Variants in CMIP observed in about 807,000 individuals in gnomAD.
CMIP encodes the protein c-Maf inducing protein, also known as C-Maf-inducing protein.
CMIP carries 13 observed loss-of-function variants against 97.3 expected under a neutral mutation model. The observed-to-expected ratio is 0.13, with a 90% confidence interval of 0.09 to 0.21. The LOEUF is 0.21. Among genes scored for constraint, CMIP ranks in the 10% least tolerant of loss-of-function variants. The pLI is 1.00. For synonymous variants in CMIP, 538 were observed against 436.3 expected (o/e 1.23, Z -2.91); for missense variants, 847 against 1,024.9 (o/e 0.83, Z 2.37).
intron 3 of CMIP, among the ~76,000 whole-genome samples, chr16:81,624,328 G>A (rs9940977): frequency 0.053 from 7,990 of 152,044 alleles, 637 homozygotes; most frequent in African/African-American, 0.17. Flanking sequence ...GTCATTTAAC[G>A]TTAGGTATAT....
intron 1 of CMIP, among the ~76,000 whole-genome samples, chr16:81,596,378 C>T (rs1460729264): frequency 7.2e-5 from 11 of 151,788 alleles, no homozygotes; most frequent in Non-Finnish European, 1.2e-4. Flanking sequence ...TGGTGGGGCA[C>T]GCCTATAGTC....
At chr16:81,640,089 G>C (rs1459471543) in intron 3 of CMIP, among the ~76,000 whole-genome samples, 3 of 152,156 alleles carry the variant, frequency 2.0e-5, no homozygotes, top group Non-Finnish European at 2.9e-5. Flanking sequence ...AATTCTCCTG[G>C]AAGTTCCTCC....
At chr16:81,555,335 G>C (rs766636834) in intron 1 of CMIP, among the ~76,000 whole-genome samples, 20 of 152,158 alleles carry the variant, frequency 1.3e-4, no homozygotes, top group Non-Finnish European at 2.8e-4. Context: ...ACCCCCCCTA[G>C]ACTGTGGGAG....
intron 1 of CMIP, among the ~76,000 whole-genome samples, chr16:81,505,592 G>C (rs1228927922): frequency 6.6e-6 from 1 of 152,214 alleles, no homozygotes; most frequent in Non-Finnish European, 1.5e-5. Context: ...AGAAAGTTAT[G>C]AGTAGTGTCA....
rs148228712 is a variant in CMIP, at chr16:81,522,072, C to T, written c.300+76531C>T. Among the ~76,000 whole-genome samples the T allele has an allele frequency of 1.1e-3, 161 of 152,280 alleles. No homozygotes were observed. The Middle Eastern group carries it at 0.031, about 29-fold the overall frequency. ...AGCCAAGTGCAGACGGATGAGGTTT[C>T]TGCTTGTCCATTCACACTTGATAAG... On this transcript the variant is annotated intron_variant, in intron 1 of 20. Coordinates refer to ENST00000537098, the MANE Select transcript of CMIP (RefSeq NM_198390.3).
chr16:81,703,614 GACAC>G (rs148131414), intron 17 of CMIP, among the ~76,000 whole-genome samples: 1 of 151,124 alleles, frequency 6.6e-6, no homozygotes, highest in Non-Finnish European at 1.5e-5. Context: ...CACACACACA[GACAC>G]ACACACACAC....
intron 2 of CMIP, among the ~76,000 whole-genome samples, chr16:81,612,079 A>T (rs537139358): frequency 6.6e-6 from 1 of 152,284 alleles, no homozygotes. Context: ...CTAGCATTTC[A>T]TTGTGGGGAG....
At chr16:81,690,592 C>T (rs980423024) in intron 10 of CMIP, among the ~76,000 whole-genome samples, 13 of 152,188 alleles carry the variant, frequency 8.5e-5, no homozygotes, top group South Asian at 2.1e-4. Context: ...CGGCCTCCGC[C>T]TCCCAGGTTC....
intron 3 of CMIP, chr16:81,632,160 G>T (rs1331165622): frequency 6.6e-6 from 1 of 152,190 alleles, no homozygotes; most frequent in Non-Finnish European, 1.5e-5. Flanking sequence ...TCACCCAGAA[G>T]ATCTCCTCGC....
In CMIP at chr16:81,445,490, C is replaced by G; in HGVS notation, c.249C>G (p.Arg83=). 1.9e-6 allele frequency: 3 copies of G among 1,556,142 alleles called. No homozygotes were observed. Among genetic ancestry groups the G allele is most frequent in the Non-Finnish European group, 1.7e-6 (2 of 1,149,960 alleles). The change falls in exon 1 of 21, where the codon CGC becomes CGG. Residue 83 remains arginine, a synonymous_variant. Coordinates refer to ENST00000537098, the MANE Select transcript of CMIP (RefSeq NM_198390.3). ...SKILTSKFLR[R]WEPHHLTLAD... Reference sequence around the variant, plus strand: ...TCCTCACCTCGAAATTCCTGAGGCGCTGGGAGCCGCACCACCTAACGCTGG... The same window carrying G: ...TCCTCACCTCGAAATTCCTGAGGCGGTGGGAGCCGCACCACCTAACGCTGG...
chr16:81,706,348 G>A lies in CMIP; in HGVS notation c.2198-666G>A, dbSNP rs1908136531. Among the ~76,000 whole-genome samples the A allele has an allele frequency of 2.0e-5, 3 of 152,230 alleles. No homozygotes were observed. In the South Asian group the frequency reaches 6.2e-4, roughly 31 times the overall value. On this transcript the variant is annotated intron_variant, in intron 19 of 20. Coordinates refer to ENST00000537098, the MANE Select transcript of CMIP (RefSeq NM_198390.3). ...CAAGGGGGAGGCACCCTGAGCAGGG[G>A]CCATGACTCCTACCGGGCCGCTGGC...
At chr16:81,539,756 C>T (rs994837296) in intron 1 of CMIP, among the ~76,000 whole-genome samples, 7 of 152,220 alleles carry the variant, frequency 4.6e-5, no homozygotes, top group East Asian at 1.9e-4. Context: ...TAATTCCCTC[C>T]GCCTCATCTT....
At chr16:81,673,692 C>G (rs775746355) in intron 9 of CMIP, among the ~76,000 whole-genome samples, 1 of 152,200 alleles carries the variant, frequency 6.6e-6, no homozygotes, top group Admixed American at 6.5e-5. Flanking sequence ...GCTCCCATCC[C>G]TCGCTGGCTG....
At chr16:81,677,806 G>A (rs1904424863) in intron 9 of CMIP, among the ~76,000 whole-genome samples, 1 of 152,208 alleles carries the variant, frequency 6.6e-6, no homozygotes, top group Non-Finnish European at 1.5e-5. Flanking sequence ...GGGCAGGAGA[G>A]CAGAGTCCTG....
At position 81,453,498 on chromosome 16, in the gene CMIP, A is replaced by G. The variant is rs1906360574; in HGVS notation, c.300+7957A>G. 6.6e-6 allele frequency among the ~76,000 whole-genome samples: 1 copy of G among 152,130 alleles called. No homozygotes were observed. The highest frequency in any genetic ancestry group is 1.5e-5 in the Non-Finnish European group (1 of 68,014). ...TCCTTAGAGGTCCAGGATATCTGAAAATTGGAGCACACAGTCTGAGCAGAC... is the reference window on the plus strand; with the variant it reads ...TCCTTAGAGGTCCAGGATATCTGAAGATTGGAGCACACAGTCTGAGCAGAC... On this transcript the variant is annotated intron_variant, in intron 1 of 20. Transcript: ENST00000537098. This position sits in a 1 kb window ranked among gnomAD's most constrained non-coding sequence, Gnocchi z 4.0.
At chr16:81,648,086 CAG>C (rs2092386219) in intron 3 of CMIP, among the ~76,000 whole-genome samples, 2 of 150,132 alleles carry the variant, frequency 1.3e-5, no homozygotes, top group East Asian at 4.0e-4. Context: ...CCTCCACTCT[CAG>C]AGCCTTGTGG....
intron 1 of CMIP, among the ~76,000 whole-genome samples, chr16:81,482,550 C>T (rs1197023371): frequency 6.6e-6 from 1 of 152,146 alleles, no homozygotes; most frequent in African/African-American, 2.4e-5. Context: ...GGAGAGAGGA[C>T]CTCTGTTCCC....
At chr16:81,460,679 C>G (rs560731590) in intron 1 of CMIP, among the ~76,000 whole-genome samples, 17 of 152,266 alleles carry the variant, frequency 1.1e-4, no homozygotes, top group Middle Eastern at 3.4e-3. Flanking sequence ...GGCTGATGCA[C>G]CAGGAGCTTG....
At chr16:81,592,597 T>G (rs1465372408) in intron 1 of CMIP, among the ~76,000 whole-genome samples, 1 of 152,234 alleles carries the variant, frequency 6.6e-6, no homozygotes, top group African/African-American at 2.4e-5. Flanking sequence ...CTGCTCATCC[T>G]GGGGCTCCCA....
Sources: gnomAD v4.1 joint callset for allele counts (sites outside exome capture counted in the v4.1 genomes callset) on GRCh38, gnomAD v4.1.1 for gene constraint, Gnocchi (gnomAD v3.1) non-coding constraint, MANE v1.5 for transcripts, NCBI Gene and HGNC (gene_info 2026-07-23, HGNC 2026-07-21) for gene names.